Variants in CHD7 observed in about 807,000 individuals in gnomAD.
The protein encoded by CHD7 is chromodomain helicase DNA binding protein 7, also known as ATP-dependent chromatin remodeler CHD7.
CHD7 carries 24 observed loss-of-function variants against 307.3 expected under a neutral mutation model. That is an observed-to-expected ratio of 0.08 (90% CI 0.06 to 0.11). CHD7 has a LOEUF of 0.11. Among genes scored for constraint, CHD7 ranks in the 10% least tolerant of loss-of-function variants. CHD7 has a pLI of 1.00. For missense variants in CHD7, 3,106 were observed against 3,727.1 expected, an observed-to-expected ratio of 0.83 and a Z score of 4.34; for synonymous variants, 1,363 against 1,349.9, an observed-to-expected ratio of 1.01 and a Z score of -0.21.
chr8:60,853,409 G>A lies in CHD7; in HGVS notation c.6684G>A (p.Gly2228=), dbSNP rs770291410. 2 of 1,526,134 alleles carry A rather than the reference G, an allele frequency of 1.3e-6. 1 individual carries two copies. The highest frequency in any genetic ancestry group is 2.7e-5 in the South Asian group (2 of 74,700). The allele number at this position is 1,526,134 out of a possible 1,614,324, so 94.5% of individuals were successfully genotyped here. The change falls in exon 31 of 38, where the codon GGG becomes GGA. Residue 2228 remains glycine, a synonymous_variant. Coordinates refer to ENST00000423902, the MANE Select transcript of CHD7 (RefSeq NM_017780.4). ...LKGVEVGADT[G]SKSISEKGSE... Reference sequence around the variant, plus strand: ...GTGTTGAGGTCGGCGCAGACACTGGGTCCAAATCTATTTCAGAGAAAGGTT... The same window carrying A: ...GTGTTGAGGTCGGCGCAGACACTGGATCCAAATCTATTTCAGAGAAAGGTT...
intron 4 of CHD7, among the ~76,000 whole-genome samples, chr8:60,797,819 G>A (rs115163883): frequency 0.014 from 2,160 of 152,282 alleles, 47 homozygotes; most frequent in South Asian, 0.042. Flanking sequence ...GGTAAAGTGG[G>A]CATGAGAGCA....
intron 2 of CHD7, among the ~76,000 whole-genome samples, chr8:60,769,294 T>A (rs917855673): frequency 3.9e-4 from 59 of 152,310 alleles, no homozygotes; most frequent in African/African-American, 1.3e-3. Context: ...CCTCTTTTAC[T>A]CCCTCAAACT....
chr8:60,712,715 G>A (rs1430819236), intron 1 of CHD7, among the ~76,000 whole-genome samples: 2 of 152,162 alleles, frequency 1.3e-5, no homozygotes, highest in South Asian at 2.1e-4. Flanking sequence ...TCAGGAGTTC[G>A]AGACCAGCCT....
At chr8:60,754,660 G>T (rs1466290554) in intron 2 of CHD7, among the ~76,000 whole-genome samples, 1 of 152,102 alleles carries the variant, frequency 6.6e-6, no homozygotes, top group East Asian at 1.9e-4. Context: ...TTTCTTTTCA[G>T]TTGAATCTCT....
intron 34 of CHD7, among the ~76,000 whole-genome samples, chr8:60,858,556 C>T (rs888721681): frequency 6.6e-6 from 1 of 152,132 alleles, no homozygotes; most frequent in African/African-American, 2.4e-5. Context: ...CTGCAGCTGA[C>T]ACTTCTTTTT....
chr8:60,821,065 T>C (rs1430953054), intron 9 of CHD7, among the ~76,000 whole-genome samples: 3 of 152,218 alleles, frequency 2.0e-5, no homozygotes, highest in African/African-American at 4.8e-5. Context: ...AGCTCAAATA[T>C]GTTATTTTAA....
chr8:60,805,103 A>T (rs749229131), intron 6 of CHD7, among the ~76,000 whole-genome samples: 2 of 152,156 alleles, frequency 1.3e-5, no homozygotes, highest in Non-Finnish European at 2.9e-5. Context: ...TGGCTTCTGA[A>T]AATAGGGCTT....
chr8:60,684,909 C>T (rs1189679015), intron 1 of CHD7, among the ~76,000 whole-genome samples: 3 of 152,072 alleles, frequency 2.0e-5, no homozygotes, highest in African/African-American at 4.8e-5. Context: ...ATGATTTGGA[C>T]TAGATTGGTG....
At chr8:60,791,266 C>T (rs1400368083) in intron 3 of CHD7, among the ~76,000 whole-genome samples, 1 of 152,160 alleles carries the variant, frequency 6.6e-6, no homozygotes, top group East Asian at 1.9e-4. Context: ...GTGCTGGTGC[C>T]ATTCAGGGCT....
chr8:60,826,670 G>C (rs547927365), intron 13 of CHD7, among the ~76,000 whole-genome samples: 1 of 152,340 alleles, frequency 6.6e-6, no homozygotes, highest in African/African-American at 2.4e-5. Context: ...GGAAATGTTT[G>C]TGAAGATGAT....
intron 9 of CHD7, among the ~76,000 whole-genome samples, chr8:60,820,546 A>C (rs1229710642): frequency 6.6e-6 from 1 of 152,194 alleles, no homozygotes; most frequent in African/African-American, 2.4e-5. Context: ...CTCTTAAAAG[A>C]TCCTAGTCTC....
At position 60,845,417 on chromosome 8, in the gene CHD7, A is replaced by G; in HGVS notation, c.5210+8A>G. On this transcript the variant is annotated splice_region_variant and intron_variant, in intron 23 of 37. Coordinates refer to ENST00000423902, the MANE Select transcript of CHD7 (RefSeq NM_017780.4). ...GAAGCATCACTGTAACAAGTATGTT[A>G]TTAGAGGGTGGACCTGGAGAGCTTA... 2 of 1,613,520 alleles carry G rather than the reference A, an allele frequency of 1.2e-6. No individual in the cohort carries two copies. The highest frequency in any genetic ancestry group is 2.2e-5 in the South Asian group (2 of 91,018).
chr8:60,701,832 C>T (rs1288512754), intron 1 of CHD7, among the ~76,000 whole-genome samples: 1 of 152,162 alleles, frequency 6.6e-6, no homozygotes, highest in Admixed American at 6.5e-5. Context: ...AGGCAGCCAT[C>T]ATCATTTTGG....
intron 1 of CHD7, among the ~76,000 whole-genome samples, chr8:60,694,483 A>G (rs2150494818): frequency 6.6e-6 from 1 of 152,354 alleles, no homozygotes; most frequent in Admixed American, 6.5e-5. Flanking sequence ...ATAGTGGAGA[A>G]AGAAATCAGA....
At chr8:60,679,699 G>C (rs1390437160) in intron 1 of CHD7, 4 of 147,214 alleles carry the variant, frequency 2.7e-5, no homozygotes, top group Non-Finnish European at 4.5e-5. Flanking sequence ...ACCACGCCGC[G>C]CTCGCCGGGA....
intron 7 of CHD7, among the ~76,000 whole-genome samples, chr8:60,812,579 G>A (rs146015852): frequency 0.01 from 1,549 of 150,196 alleles, 29 homozygotes; most frequent in African/African-American, 0.036. Flanking sequence ...CAGGAGAATC[G>A]CTTGAACCCG....
Position 60,851,045 on chromosome 8 carries a change from AGAG to A in CHD7, c.5549_5551del (p.Arg1850_Glu1851delinsLys), listed in dbSNP as rs1805430909. The A allele has an allele frequency of 6.4e-7, 1 of 1,568,590 alleles. No homozygotes were observed. ...TGTTTTACATAGGGGAGAATTTGAT[AGAG>A]AAGATGAAGACCCAGAATATAAACC... On this transcript the variant is annotated inframe_deletion, in exon 27 of 38. Coordinates refer to ENST00000423902, the MANE Select transcript of CHD7 (RefSeq NM_017780.4).
intron 21 of CHD7, among the ~76,000 whole-genome samples, chr8:60,843,465 T>C (rs1805063203): frequency 6.6e-6 from 1 of 152,206 alleles, no homozygotes; most frequent in South Asian, 2.1e-4. Context: ...GTCGAGCCCT[T>C]CCCTCTTCCC....
chr8:60,820,262 A>G (rs1803965923), intron 9 of CHD7, among the ~76,000 whole-genome samples, 172 bp downstream of exon 9: 1 of 152,062 alleles, frequency 6.6e-6, no homozygotes. Context: ...TGACTTAATA[A>G]TAGTGCTAAA....
Sources: gnomAD v4.1 joint callset for allele counts (sites outside exome capture counted in the v4.1 genomes callset) on GRCh38, gnomAD v4.1.1 for gene constraint, MANE v1.5 for transcripts, NCBI Gene and HGNC (gene_info 2026-07-23, HGNC 2026-07-21) for gene names.